The following HTR7 variants were observed in gnomAD, a reference collection of about 807,000 sequenced individuals.
HTR7 encodes the protein 5-hydroxytryptamine receptor 7, also known as 5-HT-7.
A neutral mutation model predicts 34.0 loss-of-function variants in HTR7; 16 were observed. That is an observed-to-expected ratio of 0.47 (90% CI 0.32 to 0.71). The LOEUF (loss-of-function observed/expected upper bound fraction) is 0.71. Among genes scored for constraint, HTR7 ranks in the 30% least tolerant of loss-of-function variants. The pLI is 0.04. For missense variants in HTR7, 504 were observed against 625.5 expected (o/e 0.81, Z 2.07); for synonymous variants, 265 against 260.2 (o/e 1.02, Z -0.18).
chr10:90,766,184 A>C (rs994224302), intron 1 of HTR7, among the ~76,000 whole-genome samples: 2 of 152,158 alleles, frequency 1.3e-5, no homozygotes, highest in Admixed American at 6.5e-5. Context: ...TATTTGCTTT[A>C]TATACTTAGG....
chr10:90,758,436 T>C (rs2119709154), intron 1 of HTR7, among the ~76,000 whole-genome samples: 1 of 150,138 alleles, frequency 6.7e-6, no homozygotes, highest in Admixed American at 6.6e-5. Flanking sequence ...GGTAATCATA[T>C]CAATGCATAT....
At chr10:90,829,269 T>C (rs1361141233) in intron 1 of HTR7, among the ~76,000 whole-genome samples, 1 of 152,162 alleles carries the variant, frequency 6.6e-6, no homozygotes, top group Non-Finnish European at 1.5e-5. Context: ...AAACAATATA[T>C]GACAGACCCA....
At chr10:90,845,862 ATCT>A (rs1846407862) in intron 1 of HTR7, among the ~76,000 whole-genome samples, 1 of 152,162 alleles carries the variant, frequency 6.6e-6, no homozygotes, top group Non-Finnish European at 1.5e-5. Context: ...TCACTCCGTG[ATCT>A]TCTGCCCAAG....
chr10:90,833,964 AT>A (rs1451097479), intron 1 of HTR7, among the ~76,000 whole-genome samples: 1 of 152,240 alleles, frequency 6.6e-6, no homozygotes, highest in African/African-American at 2.4e-5. Context: ...ACATAATCCT[AT>A]TTTGAAAAAA....
chr10:90,826,752 A>G (rs933811472), intron 1 of HTR7, among the ~76,000 whole-genome samples: 4 of 151,996 alleles, frequency 2.6e-5, no homozygotes, highest in African/African-American at 7.3e-5. Flanking sequence ...CCTGGCTAAC[A>G]TGGTGAAACC....
Position 90,799,323 on chromosome 10 carries a change from G to A in HTR7, c.540-49729C>T, listed in dbSNP as rs972015467. Among the ~76,000 whole-genome samples, 44 of 150,124 alleles carry A rather than the reference G, an allele frequency of 2.9e-4. No individual in the cohort carries two copies. In the Middle Eastern group the frequency reaches 0.014, roughly 47 times the overall value. On this transcript the variant is annotated intron_variant, in intron 1 of 3. Coordinates refer to ENST00000336152, the MANE Select transcript of HTR7 (RefSeq NM_019859.4). Reference sequence around the variant, plus strand: ...TTGAGTAATAAAACTCATGTTTCCCGCACAGCCGGCTCTGCATGAATGAAT... The same window carrying A: ...TTGAGTAATAAAACTCATGTTTCCCACACAGCCGGCTCTGCATGAATGAAT...
chr10:90,803,504 T>C (rs1024512282), intron 1 of HTR7, among the ~76,000 whole-genome samples: 5 of 152,300 alleles, frequency 3.3e-5, no homozygotes, highest in African/African-American at 1.2e-4. Context: ...ATGCACAAGG[T>C]TGAACCCACT....
intron 1 of HTR7, among the ~76,000 whole-genome samples, chr10:90,828,694 G>A (rs957944342): frequency 2.0e-5 from 3 of 152,014 alleles, no homozygotes; most frequent in African/African-American, 4.8e-5. Context: ...GATAGAAGCT[G>A]TAATAAAGAA....
chr10:90,780,600 AAATAAAT>A (rs1424524847), intron 1 of HTR7, among the ~76,000 whole-genome samples: 15 of 152,156 alleles, frequency 9.9e-5, no homozygotes, highest in Non-Finnish European at 2.2e-4. Context: ...AGTGATTCGT[AAATAAAT>A]GATAAATGAT....
chr10:90,827,353 C>T (rs1008183171), intron 1 of HTR7, among the ~76,000 whole-genome samples: 2 of 152,034 alleles, frequency 1.3e-5, no homozygotes, highest in African/African-American at 4.8e-5. Flanking sequence ...TGAGACCAGC[C>T]TGGGCAACAA....
At chr10:90,812,991 T>C (rs7096934) in intron 1 of HTR7, among the ~76,000 whole-genome samples, 39,527 of 151,968 alleles carry the variant, frequency 0.26, 5,453 homozygotes, top group African/African-American at 0.35. Context: ...ACTGATGACA[T>C]TGTCTTGTGA....
Position 90,743,694 on chromosome 10 carries a change from C to T in HTR7, c.1296-4G>A. On this transcript the variant is annotated splice_region_variant and splice_polypyrimidine_tract_variant and intron_variant, in intron 2 of 3. Transcript: ENST00000336152. ...CACCCTCCTTGTGCAGGCCCTCCTG[C>T]AATTTATGGCAATTCAAAGCAAATC... 6.2e-7 allele frequency: 1 copy of T among 1,602,578 alleles called. No individual in the cohort carries two copies. Among genetic ancestry groups the T allele is most frequent in the South Asian group, 1.1e-5 (1 of 90,732 alleles).
At chr10:90,783,101 T>TCTGTCAGGCCAGCAGTG (rs1491117844) in intron 1 of HTR7, among the ~76,000 whole-genome samples, 3 of 152,218 alleles carry the variant, frequency 2.0e-5, no homozygotes, top group African/African-American at 7.2e-5. Context: ...TGCATCTACT[T>TCTGTCAGGCCAGCAGTG]CTGTCAGGCC....
At chr10:90,748,371 C>T (rs1450078363) in intron 2 of HTR7, among the ~76,000 whole-genome samples, 1 of 152,138 alleles carries the variant, frequency 6.6e-6, no homozygotes, top group Non-Finnish European at 1.5e-5. Context: ...TCCTGGGCTG[C>T]CTCCTTTCAG....
intron 1 of HTR7, among the ~76,000 whole-genome samples, chr10:90,793,102 G>A (rs1845484562): frequency 6.6e-6 from 1 of 152,078 alleles, no homozygotes; most frequent in Non-Finnish European, 1.5e-5. Flanking sequence ...ACAATCAAGA[G>A]GGTGCAAAGG....
chr10:90,846,272 C>T (rs2120108611), intron 1 of HTR7, among the ~76,000 whole-genome samples: 1 of 152,202 alleles, frequency 6.6e-6, no homozygotes, highest in South Asian at 2.1e-4. Context: ...ATTTTGTGTG[C>T]CCATCACATG....
intron 1 of HTR7, among the ~76,000 whole-genome samples, chr10:90,811,856 C>T (rs1371224657): frequency 6.6e-6 from 1 of 150,888 alleles, no homozygotes; most frequent in East Asian, 1.9e-4. Flanking sequence ...TCATTTCCTC[C>T]CTTCTGTCAG....
intron 1 of HTR7, among the ~76,000 whole-genome samples, chr10:90,832,303 C>T (rs942110041): frequency 6.6e-6 from 1 of 152,230 alleles, no homozygotes; most frequent in Non-Finnish European, 1.5e-5. Flanking sequence ...TGGTGGGATG[C>T]AGGTCCCAAG....
In HTR7 at chr10:90,760,551, A is replaced by G. The variant is rs967452655; in HGVS notation, c.540-10957T>C. Among the ~76,000 whole-genome samples, 3 of 152,194 alleles carry G rather than the reference A, an allele frequency of 2.0e-5. No homozygotes were observed. The South Asian group carries it at 6.2e-4, about 32-fold the overall frequency. On this transcript the variant is annotated intron_variant, in intron 1 of 3. Coordinates refer to ENST00000336152, the MANE Select transcript of HTR7 (RefSeq NM_019859.4). ...GTTTGAGATTATGGATATGTTAATT[A>G]CCCTGATCTGATCACTATACATTAT... is the stretch of plus-strand genomic sequence containing the variant.
Sources: gnomAD v4.1 joint callset for allele counts (sites outside exome capture counted in the v4.1 genomes callset) on GRCh38, gnomAD v4.1.1 for gene constraint, MANE v1.5 for transcripts, NCBI Gene and HGNC (gene_info 2026-07-23, HGNC 2026-07-21) for gene names.